Variants in HDAC2 observed in about 807,000 individuals in gnomAD.
The protein encoded by HDAC2 is YY1-associated factor 1.
HDAC2 carries 5 observed loss-of-function variants against 68.5 expected under a neutral mutation model. That is an observed-to-expected ratio of 0.07 (90% CI 0.04 to 0.15). HDAC2 has a LOEUF of 0.15. Among genes scored for constraint, HDAC2 ranks in the 10% least tolerant of loss-of-function variants. The pLI is 1.00. For synonymous variants in HDAC2, 182 were observed against 191.3 expected, an observed-to-expected ratio of 0.95 and a Z score of 0.40; for missense variants, 291 against 600.8, an observed-to-expected ratio of 0.48 and a Z score of 5.39.
At chr6:113,962,354 C>T in intron 1 of HDAC2, 1 of 898,504 alleles carries the variant, frequency 1.1e-6, no homozygotes, top group Non-Finnish European at 1.3e-6. Flanking sequence ...CAGGGAATGT[C>T]AAGGACACTT....
intron 5 of HDAC2, 95 bp downstream of exon 5, chr6:113,955,918 T>C: frequency 1.2e-6 from 1 of 842,788 alleles, no homozygotes; most frequent in Admixed American, 3.2e-5. Flanking sequence ...CAACCTATGG[T>C]TTACCTAATA....
intron 5 of HDAC2, among the ~76,000 whole-genome samples, chr6:113,954,316 G>A (rs1477332670): frequency 6.6e-6 from 1 of 152,100 alleles, no homozygotes; most frequent in Non-Finnish European, 1.5e-5. Flanking sequence ...GATATTTCCA[G>A]ACTAAGCACT....
chr6:113,969,549 G>A (rs1447583238), intron 1 of HDAC2, among the ~76,000 whole-genome samples: 1 of 152,176 alleles, frequency 6.6e-6, no homozygotes, highest in East Asian at 1.9e-4. Flanking sequence ...GGACTTTCAG[G>A]AGAAGGAGCC....
intron 1 of HDAC2, among the ~76,000 whole-genome samples, chr6:113,960,443 C>T (rs562424801): frequency 2.6e-5 from 4 of 152,106 alleles, no homozygotes; most frequent in Non-Finnish European, 5.9e-5. Context: ...TCAGAAATCT[C>T]ATAATTGGCG....
chr6:113,965,297 C>T (rs570450358), intron 1 of HDAC2, among the ~76,000 whole-genome samples: 19 of 152,170 alleles, frequency 1.2e-4, no homozygotes, highest in African/African-American at 4.6e-4. Context: ...TTAAGGCTGG[C>T]CCATTCTCTT....
chr6:113,945,402 T>C lies in HDAC2; in HGVS notation c.1051A>G (p.Met351Val). Residue 351 changes from methionine (M) to valine (V), a missense_variant, in exon 10 of 14, where the codon ATG becomes GTG. Met to Val is a conservative substitution (Grantham distance 21). This residue lies in a region of HDAC2 where 154 missense variants were observed against 472.1 expected (regional missense o/e 0.33). Transcript: ENST00000519065. ...TATTCTGGAGTGTTCTGGTTTGTCA[T>C]GTTTGAAGGACTAATATGCAGTTTG... ...DFKLHISPSNMTNQNTPEYME... is the reference protein window; with the variant it reads ...DFKLHISPSNVTNQNTPEYME... 1 of 1,556,338 alleles carries C rather than the reference T, an allele frequency of 6.4e-7. No homozygotes were observed. The highest frequency in any genetic ancestry group is 1.1e-5 in the South Asian group (1 of 89,700).
rs1582474513 is a variant in HDAC2, at chr6:113,940,872, G to A, written c.*186C>T. 3 of 472,336 alleles carry A rather than the reference G, an allele frequency of 6.4e-6. No homozygotes were observed. The highest frequency in any genetic ancestry group is 8.3e-5 in the South Asian group (2 of 24,102). 29.3% of individuals were successfully genotyped at this position (472,336 alleles called of 1,614,324 possible). A position where few individuals can be genotyped will look rare whatever the true frequency, so the allele number is the denominator to read the frequency against. ...AAGCATGGTGGAGAAAAGAAATTTTGCTTCATAATTAGAAAAACTCACAAT... is the reference window on the plus strand; with the variant it reads ...AAGCATGGTGGAGAAAAGAAATTTTACTTCATAATTAGAAAAACTCACAAT... On this transcript the variant is annotated 3_prime_UTR_variant, in exon 14 of 14. Coordinates refer to ENST00000519065, the MANE Select transcript of HDAC2 (RefSeq NM_001527.4).
At chr6:113,952,173 T>G (rs1776434737) in intron 6 of HDAC2, among the ~76,000 whole-genome samples, 2 of 152,220 alleles carry the variant, frequency 1.3e-5, no homozygotes, top group African/African-American at 4.8e-5. Flanking sequence ...TGATCTGCTT[T>G]CCTCAGTTTA....
Position 113,937,375 on chromosome 6 carries a change from G to C in HDAC2, c.*3683C>G, listed in dbSNP as rs1387533932. ...AGAATGCTAGCAGCTCTGGTAGAAG[G>C]GCAAAGCTTAGATATGATGTAACTA... is the stretch of plus-strand genomic sequence containing the variant. On this transcript the variant is annotated 3_prime_UTR_variant, in exon 14 of 14. Coordinates refer to ENST00000519065, the MANE Select transcript of HDAC2 (RefSeq NM_001527.4). The C allele has an allele frequency of 1.3e-5, 2 of 152,132 alleles. No individual in the cohort carries two copies. Among genetic ancestry groups the C allele is most frequent in the South Asian group, 4.1e-4 (2 of 4,824 alleles). 9.4% of individuals were successfully genotyped at this position (152,132 alleles called of 1,614,324 possible). A position where few individuals can be genotyped will look rare whatever the true frequency, so the allele number is the denominator to read the frequency against.
In HDAC2 at chr6:113,956,441, TAA is replaced by T; in HGVS notation, c.358+176_358+177del. The stretch of plus-strand genomic sequence containing the variant: ...AGTGAAAATAAGTTTAAAAAGCGTT[TAA>T]GTCATAATCATAAAACATAGAGGTT... On this transcript the variant is annotated intron_variant, in intron 4 of 13. Coordinates refer to ENST00000519065, the MANE Select transcript of HDAC2 (RefSeq NM_001527.4). 5.1e-6 allele frequency: 3 copies of T among 590,846 alleles called. No homozygotes were observed. The South Asian group carries it at 7.2e-5, about 14-fold the overall frequency. 36.6% of individuals were successfully genotyped at this position (590,846 alleles called of 1,614,324 possible). A position where few individuals can be genotyped will look rare whatever the true frequency, so the allele number is the denominator to read the frequency against.
intron 1 of HDAC2, among the ~76,000 whole-genome samples, chr6:113,965,080 G>C (rs1308175939): frequency 6.6e-6 from 1 of 152,166 alleles, no homozygotes; most frequent in African/African-American, 2.4e-5. Context: ...TATTTTGAGA[G>C]AATGCATTCT....
chr6:113,950,193 A>G (rs1275509092), intron 6 of HDAC2, among the ~76,000 whole-genome samples: 1 of 152,154 alleles, frequency 6.6e-6, no homozygotes, highest in Non-Finnish European at 1.5e-5. Context: ...TTCCAGCTAC[A>G]TATACTCTTA....
intron 1 of HDAC2, among the ~76,000 whole-genome samples, chr6:113,967,729 G>A (rs1776857074): frequency 6.6e-6 from 1 of 152,290 alleles, no homozygotes; most frequent in South Asian, 2.1e-4. Flanking sequence ...ACACAGCTTA[G>A]CTGCTAATTA....
chr6:113,940,930 C>A lies in HDAC2; in HGVS notation c.*128G>T. The stretch of plus-strand genomic sequence containing the variant: ...GCCAAGAAAAACAAAAACGAAAAAG[C>A]CATTTGAAAATAAATACAGTCCATG... On this transcript the variant is annotated 3_prime_UTR_variant, in exon 14 of 14. Transcript: ENST00000519065. 1 of 606,008 alleles carries A rather than the reference C, an allele frequency of 1.7e-6. No individual in the cohort carries two copies. The highest frequency in any genetic ancestry group is 2.7e-6 in the Non-Finnish European group (1 of 371,624). The allele number at this position is 606,008 out of a possible 1,614,324, so 37.5% of individuals were successfully genotyped here. A position where few individuals can be genotyped will look rare whatever the true frequency, so the allele number is the denominator to read the frequency against.
At chr6:113,943,255 C>T (rs1390448261) in intron 12 of HDAC2, 96 bp downstream of exon 12, 2 of 886,050 alleles carry the variant, frequency 2.3e-6, no homozygotes, top group South Asian at 1.8e-5. Flanking sequence ...CCTCCTGATA[C>T]CTGTGCAACT....
chr6:113,964,330 A>AT (rs1776761194), intron 1 of HDAC2, among the ~76,000 whole-genome samples: 2 of 152,100 alleles, frequency 1.3e-5, no homozygotes, highest in African/African-American at 4.8e-5. Context: ...CCCACTATCC[A>AT]TTTTTTATAC....
intron 1 of HDAC2, among the ~76,000 whole-genome samples, chr6:113,960,733 AAATT>A (rs1776663869): frequency 6.6e-6 from 1 of 152,110 alleles, no homozygotes; most frequent in Admixed American, 6.5e-5. Context: ...AATTTCAATA[AAATT>A]AATACTTTTA....
chr6:113,959,639 A>T, intron 2 of HDAC2: 3 of 201,032 alleles, frequency 1.5e-5, no homozygotes, highest in Non-Finnish European at 2.9e-5. Context: ...TGCTACACTG[A>T]GTTGTTGCTA....
Position 113,970,986 on chromosome 6 carries a change from G to C in HDAC2, c.-78C>G. 6.4e-7 allele frequency: 1 copy of C among 1,572,518 alleles called. No homozygotes were observed. The highest frequency in any genetic ancestry group is 8.6e-7 in the Non-Finnish European group (1 of 1,158,926). On this transcript the variant is annotated 5_prime_UTR_variant, in exon 1 of 14. Transcript: ENST00000519065. ...CTGCTGCTGCCGCCGCGGCTCGGCC[G>C]GGAGAGAAAAGGGCTGAGGGAAACG... is the stretch of plus-strand genomic sequence containing the variant.
Sources: gnomAD v4.1 joint callset for allele counts (sites outside exome capture counted in the v4.1 genomes callset) on GRCh38, gnomAD v4.1.1 for gene constraint, gnomAD v4.1.1 regional missense constraint, MANE v1.5 for transcripts, NCBI Gene and HGNC (gene_info 2026-07-23, HGNC 2026-07-21) for gene names.